The following PKD1L1 variants were observed in gnomAD, a reference collection of about 807,000 sequenced individuals.
The protein encoded by PKD1L1 is polycystin-1-like protein 1.
In PKD1L1, 236 loss-of-function variants were observed where a neutral mutation model predicts 323.4. The ratio of observed to expected loss-of-function variants is 0.73; its 90% CI spans 0.66 to 0.81. PKD1L1 has a LOEUF of 0.81. Ranked by LOEUF, PKD1L1 falls within the 40% of genes least tolerant of loss-of-function variation. PKD1L1 has a pLI of 0.00. For missense variants in PKD1L1, 3,320 were observed against 3,508.0 expected (o/e 0.95, Z 1.35); for synonymous variants, 1,344 against 1,335.0 (o/e 1.01, Z -0.15).
At chr7:47,910,329 TA>T (rs1252631768) in intron 8 of PKD1L1, among the ~76,000 whole-genome samples, 33 of 150,410 alleles carry the variant, frequency 2.2e-4, no homozygotes, top group African/African-American at 7.9e-4. Context: ...AGGCATATCT[TA>T]CTTTCTTTTT....
intron 8 of PKD1L1, among the ~76,000 whole-genome samples, chr7:47,911,917 A>G (rs553872679): frequency 6.6e-6 from 1 of 151,446 alleles, no homozygotes; most frequent in East Asian, 1.9e-4. Flanking sequence ...AATTATGAGT[A>G]ATGCTGTGAA....
intron 56 of PKD1L1, among the ~76,000 whole-genome samples, chr7:47,777,877 G>C (rs1786603395): frequency 6.6e-6 from 1 of 152,218 alleles, no homozygotes; most frequent in Admixed American, 6.5e-5. Flanking sequence ...GCACATGCCT[G>C]ATGCCTTCAG....
intron 20 of PKD1L1, among the ~76,000 whole-genome samples, chr7:47,881,508 G>C (rs9691425): frequency 0.44 from 66,892 of 151,994 alleles, 16,206 homozygotes; most frequent in African/African-American, 0.65. Context: ...TTGAGCAAAA[G>C]CACCATGTCT....
chr7:47,791,003 G>A (rs1016360628), intron 56 of PKD1L1, among the ~76,000 whole-genome samples: 1 of 152,034 alleles, frequency 6.6e-6, no homozygotes, highest in Admixed American at 6.5e-5. Flanking sequence ...CCCAGATGCT[G>A]GGATTATAGG....
chr7:47,906,942 T>A (rs1397093882), intron 9 of PKD1L1, among the ~76,000 whole-genome samples: 1 of 152,218 alleles, frequency 6.6e-6, no homozygotes, highest in Non-Finnish European at 1.5e-5. Context: ...GAATACCCTA[T>A]TATCAATCTG....
At chr7:47,932,152 G>T (rs1008802544) in intron 4 of PKD1L1, 96 bp from the exon 5 acceptor site, 2 of 1,490,962 alleles carry the variant, frequency 1.3e-6, no homozygotes, top group Admixed American at 2.2e-5. Context: ...CCTTCACCAG[G>T]CTTTGCTGGA....
At chr7:47,865,391 C>T (rs2128743804) in intron 25 of PKD1L1, 119 bp from the exon 26 acceptor site, 1 of 831,410 alleles carries the variant, frequency 1.2e-6, no homozygotes, top group African/African-American at 1.7e-5. Context: ...TGCTTTTTGG[C>T]CAAAAGACCA....
chr7:47,863,232 C>G (rs1428501874), intron 26 of PKD1L1, among the ~76,000 whole-genome samples: 1 of 152,072 alleles, frequency 6.6e-6, no homozygotes, highest in East Asian at 1.9e-4. Flanking sequence ...GTAGGAGGAA[C>G]ACGGGGTTGG....
At chr7:47,955,515 G>GT in the PKD1L1 span, among the ~76,000 whole-genome samples, 1 of 152,034 alleles carries the variant, frequency 6.6e-6, no homozygotes, top group Non-Finnish European at 1.5e-5. Flanking sequence ...CTATCATACT[G>GT]TATCTATCAA....
chr7:47,958,732 CAACTT>C, the PKD1L1 span, among the ~76,000 whole-genome samples: 21 of 152,208 alleles, frequency 1.4e-4, no homozygotes, highest in South Asian at 4.1e-4. Context: ...AAAAGGAACT[CAACTT>C]AATAGTAAGA....
At chr7:47,958,966 C>T in the PKD1L1 span, among the ~76,000 whole-genome samples, 64 of 152,230 alleles carry the variant, frequency 4.2e-4, no homozygotes, top group African/African-American at 1.3e-3. Context: ...CGATTGCAGG[C>T]GCGCGCCACC....
At chr7:47,944,966 G>A (rs995575107) in intron 1 of PKD1L1, among the ~76,000 whole-genome samples, 1 of 152,182 alleles carries the variant, frequency 6.6e-6, no homozygotes, top group African/African-American at 2.4e-5. Context: ...CATTCCCAGC[G>A]ACAGGGCAAT....
Position 47,904,001 on chromosome 7 carries a change from C to T in PKD1L1, c.1931+377G>A, listed in dbSNP as rs146168382. Among the ~76,000 whole-genome samples, 217 of 152,318 alleles carry T rather than the reference C, an allele frequency of 1.4e-3. 1 individual carries two copies. The highest frequency in any genetic ancestry group is 4.9e-3 in the African/African-American group (202 of 41,568). ...ACCCTTCTATATACGTCTTGCCAGT[C>T]ACTCCAAACATCTCCTGTTGGCACC... is the stretch of plus-strand genomic sequence containing the variant. On this transcript the variant is annotated intron_variant, in intron 12 of 56. Coordinates refer to ENST00000289672, the MANE Select transcript of PKD1L1 (RefSeq NM_138295.5).
In PKD1L1 at chr7:47,890,402, C is replaced by G. The variant is rs116486404; in HGVS notation, c.2675+140G>C. The G allele has an allele frequency of 9.9e-6, 8 of 811,922 alleles. No homozygotes were observed. The African/African-American group carries it at 1.2e-4, about 12-fold the overall frequency. 50.3% of individuals were successfully genotyped at this position (811,922 alleles called of 1,614,324 possible). On this transcript the variant is annotated intron_variant, in intron 16 of 56. Coordinates refer to ENST00000289672, the MANE Select transcript of PKD1L1 (RefSeq NM_138295.5). Reference sequence around the variant, plus strand: ...CCAGCCGCTTTCTGAACAGTCTTCTCCTCCTCCTTTGCAGTGAGAATCCTG... The same window carrying G: ...CCAGCCGCTTTCTGAACAGTCTTCTGCTCCTCCTTTGCAGTGAGAATCCTG...
chr7:47,881,389 G>A (rs761885821), intron 20 of PKD1L1, among the ~76,000 whole-genome samples: 21 of 152,122 alleles, frequency 1.4e-4, no homozygotes, highest in Admixed American at 6.5e-4. Flanking sequence ...TCAAGGAAAG[G>A]GTGAAGGGAA....
chr7:47,815,842 A>C (rs912037566), intron 46 of PKD1L1, among the ~76,000 whole-genome samples: 2 of 98,794 alleles, frequency 2.0e-5, no homozygotes, highest in Non-Finnish European at 4.1e-5. Context: ...TGTTGTGACA[A>C]ATATGAAGGA....
At chr7:47,819,613 C>T (rs1441309998) in intron 46 of PKD1L1, 1 of 1,296,602 alleles carries the variant, frequency 7.7e-7, no homozygotes, top group Non-Finnish European at 1.0e-6. Context: ...CAGAAAATTC[C>T]ACTTAATTTC....
At chr7:47,814,147 T>C (rs1004820118) in intron 47 of PKD1L1, 133 bp from the exon 48 acceptor site, 1 of 637,882 alleles carries the variant, frequency 1.6e-6, no homozygotes, top group Non-Finnish European at 2.7e-6. Context: ...TTATTTTCCT[T>C]CCAATACCAT....
chr7:47,944,623 C>T (rs1167793144), intron 1 of PKD1L1, among the ~76,000 whole-genome samples: 1 of 152,224 alleles, frequency 6.6e-6, no homozygotes, highest in Non-Finnish European at 1.5e-5. Context: ...ACAGGTGTGC[C>T]TCCAGAGCTC....
Sources: allele counts gnomAD v4.1 joint callset (sites outside exome capture counted in the v4.1 genomes callset), GRCh38; gene constraint gnomAD v4.1.1; transcripts MANE v1.5; gene names NCBI Gene and HGNC (gene_info 2026-07-23, HGNC 2026-07-21).